The following SUGCT variants were observed in gnomAD, a reference collection of about 807,000 sequenced individuals.
The protein encoded by SUGCT is succinyl-CoA:glutarate CoA-transferase.
Under a neutral mutation model 55.0 loss-of-function variants are expected in SUGCT, and 41 were observed. That is an observed-to-expected ratio of 0.74 (90% CI 0.58 to 0.97). The LOEUF (loss-of-function observed/expected upper bound fraction) is 0.97. Among genes scored for constraint, SUGCT ranks in the 50% least tolerant of loss-of-function variants. SUGCT has a pLI of 0.00. For synonymous variants in SUGCT, 187 were observed against 200.4 expected (o/e 0.93, Z 0.56); for missense variants, 568 against 547.8 (o/e 1.04, Z -0.37).
chr7:40,355,310 A>G (rs146115627), intron 9 of SUGCT, among the ~76,000 whole-genome samples: 5 of 152,326 alleles, frequency 3.3e-5, no homozygotes, highest in African/African-American at 9.6e-5. Flanking sequence ...TTTATAATTG[A>G]CTTAGGAGGT....
chr7:40,421,517 T>A (rs1787307398), intron 9 of SUGCT, among the ~76,000 whole-genome samples: 2 of 152,176 alleles, frequency 1.3e-5, no homozygotes, highest in South Asian at 4.1e-4. Context: ...TCCATGAGCT[T>A]CTTGATTTAT....
intron 9 of SUGCT, among the ~76,000 whole-genome samples, chr7:40,400,638 A>G (rs1786014189): frequency 6.6e-6 from 1 of 152,172 alleles, no homozygotes. Context: ...CTGTGACAGG[A>G]GCAGTGCATA....
chr7:40,439,035 G>T (rs1788325575), intron 9 of SUGCT, among the ~76,000 whole-genome samples: 2 of 95,824 alleles, frequency 2.1e-5, no homozygotes, highest in African/African-American at 4.0e-5. Flanking sequence ...TATATAATAT[G>T]GTATATATAT....
the SUGCT span, among the ~76,000 whole-genome samples, chr7:40,926,071 A>G: frequency 6.6e-6 from 1 of 152,060 alleles, no homozygotes; most frequent in Non-Finnish European, 1.5e-5. Flanking sequence ...ACTGCACTCC[A>G]GCCTGGGTGA....
intron 8 of SUGCT, among the ~76,000 whole-genome samples, chr7:40,302,397 A>C (rs1794589136): frequency 6.6e-6 from 1 of 152,190 alleles, no homozygotes; most frequent in African/African-American, 2.4e-5. Flanking sequence ...CTGTTGCTGC[A>C]TAACAGATTA....
intron 13 of SUGCT, among the ~76,000 whole-genome samples, chr7:40,850,618 G>C (rs560672203): frequency 6.6e-6 from 1 of 152,240 alleles, no homozygotes; most frequent in Admixed American, 6.5e-5. Flanking sequence ...TCTGTAGGAA[G>C]GGGAAACATA....
At chr7:40,758,999 GA>G (rs1160042576) in intron 13 of SUGCT, among the ~76,000 whole-genome samples, 1 of 152,050 alleles carries the variant, frequency 6.6e-6, no homozygotes, top group African/African-American at 2.4e-5. Flanking sequence ...AATTAAAAAT[GA>G]AAAAAATTAA....
At chr7:40,270,738 T>C (rs968940474) in intron 7 of SUGCT, among the ~76,000 whole-genome samples, 1 of 152,164 alleles carries the variant, frequency 6.6e-6, no homozygotes, top group African/African-American at 2.4e-5. Context: ...AAAAAAGGTA[T>C]CTAGGATTTT....
intron 12 of SUGCT, among the ~76,000 whole-genome samples, chr7:40,496,972 G>T (rs1334130605): frequency 1.3e-5 from 2 of 152,114 alleles, no homozygotes; most frequent in African/African-American, 4.8e-5. Flanking sequence ...TGGGCTCCAG[G>T]AACAGGGTCA....
At chr7:40,439,064 G>GTGTATATATACA (rs1283539157) in intron 9 of SUGCT, among the ~76,000 whole-genome samples, 1 of 27,194 alleles carries the variant, frequency 3.7e-5, no homozygotes, top group Non-Finnish European at 6.9e-5. Context: ...TATATATGGT[G>GTGTATATATACA]TATATATATA....
intron 8 of SUGCT, among the ~76,000 whole-genome samples, chr7:40,296,056 T>C (rs1326826794): frequency 2.6e-5 from 4 of 152,204 alleles, no homozygotes; most frequent in African/African-American, 9.6e-5. Flanking sequence ...TATATGATGA[T>C]AATATATCCT....
At chr7:40,661,301 A>G (rs1801291145) in intron 12 of SUGCT, among the ~76,000 whole-genome samples, 1 of 152,008 alleles carries the variant, frequency 6.6e-6, no homozygotes, top group South Asian at 2.1e-4. Flanking sequence ...CCTAAAACCA[A>G]CCGCTTCAGT....
intron 9 of SUGCT, among the ~76,000 whole-genome samples, chr7:40,435,940 CTTTTCT>C (rs1355965257): frequency 6.4e-4 from 79 of 122,754 alleles, no homozygotes; most frequent in Non-Finnish European, 5.9e-4. Context: ...CTTTTCTTTT[CTTTTCT>C]TTTTTTTTTT....
intron 13 of SUGCT, among the ~76,000 whole-genome samples, chr7:40,811,641 T>G (rs1791420106): frequency 6.6e-6 from 1 of 152,204 alleles, no homozygotes; most frequent in Non-Finnish European, 1.5e-5. Context: ...TTTAGTGAAC[T>G]TGTTTATCAG....
At chr7:40,409,395 G>A (rs1056088930) in intron 9 of SUGCT, among the ~76,000 whole-genome samples, 2 of 152,032 alleles carry the variant, frequency 1.3e-5, no homozygotes, top group African/African-American at 4.8e-5. Flanking sequence ...TCCAAGTAGG[G>A]ACTACAGGTG....
intron 13 of SUGCT, among the ~76,000 whole-genome samples, chr7:40,851,784 T>G (rs1173051607): frequency 6.6e-6 from 1 of 152,252 alleles, no homozygotes; most frequent in Admixed American, 6.5e-5. Context: ...AGAAATGCAC[T>G]TATCTCCAAA....
chr7:40,942,213 A>G, the SUGCT span, among the ~76,000 whole-genome samples: 1 of 152,100 alleles, frequency 6.6e-6, no homozygotes, highest in Admixed American at 6.6e-5. Context: ...CTTTTGTTTC[A>G]AGATTTAGAA....
At chr7:40,428,902 A>T (rs1406710954) in intron 9 of SUGCT, among the ~76,000 whole-genome samples, 1 of 152,196 alleles carries the variant, frequency 6.6e-6, no homozygotes, top group Non-Finnish European at 1.5e-5. Flanking sequence ...TAAGGCAGAT[A>T]TTGAGAGGAT....
chr7:40,523,728 A>G (rs1793670239), intron 12 of SUGCT, among the ~76,000 whole-genome samples: 1 of 152,100 alleles, frequency 6.6e-6, no homozygotes, highest in African/African-American at 2.4e-5. Context: ...GAATCCTAGT[A>G]AAGGAGAAAA....
Sources: gnomAD v4.1 joint callset for allele counts (sites outside exome capture counted in the v4.1 genomes callset) on GRCh38, gnomAD v4.1.1 for gene constraint, MANE v1.5 for transcripts, NCBI Gene and HGNC (gene_info 2026-07-23, HGNC 2026-07-21) for gene names.